The following PLXNC1 variants were observed in gnomAD, a reference collection of about 807,000 sequenced individuals.
PLXNC1 encodes the protein plexin C1.
Under a neutral mutation model 178.2 loss-of-function variants are expected in PLXNC1, and 75 were observed. The observed-to-expected ratio is 0.42, with a 90% CI of 0.35 to 0.51. The LOEUF (loss-of-function observed/expected upper bound fraction) is 0.51. PLXNC1 is among the 20% of genes least tolerant of loss of function. The probability of loss-of-function intolerance (pLI) is 0.02; values close to 1 mark genes in which losing one functional copy is unlikely to be tolerated. For missense variants in PLXNC1, 1,503 were observed against 1,984.4 expected (o/e 0.76, Z 4.61); for synonymous variants, 790 against 779.9 (o/e 1.01, Z -0.22).
intron 2 of PLXNC1, among the ~76,000 whole-genome samples, chr12:94,175,618 C>A (rs528158183): frequency 6.6e-6 from 1 of 152,176 alleles, no homozygotes; most frequent in Admixed American, 6.5e-5. Flanking sequence ...TATGTTGACA[C>A]GAACTGAAAT....
chr12:94,148,963 C>T lies in PLXNC1; in HGVS notation c.-9C>T, dbSNP rs1490680832. 3 of 1,314,982 alleles carry T rather than the reference C, an allele frequency of 2.3e-6. No individual in the cohort carries two copies. The highest frequency in any genetic ancestry group is 3.0e-6 in the Non-Finnish European group (3 of 1,015,042). The allele number at this position is 1,314,982 out of a possible 1,614,324, so 81.5% of individuals were successfully genotyped here. Reference sequence around the variant, plus strand: ...GCGCGCCCTGCCCGGGGGCGGCCCCCCCAGCCCCATGGAGGTCTCCCGGAG... The same window carrying T: ...GCGCGCCCTGCCCGGGGGCGGCCCCTCCAGCCCCATGGAGGTCTCCCGGAG... On this transcript the variant is annotated 5_prime_UTR_variant, in exon 1 of 31. Coordinates refer to ENST00000258526, the MANE Select transcript of PLXNC1 (RefSeq NM_005761.3). This position sits in a 1 kb window ranked among gnomAD's most constrained non-coding sequence, Gnocchi z 4.8.
intron 20 of PLXNC1, among the ~76,000 whole-genome samples, chr12:94,261,758 G>A (rs554071631): frequency 3.9e-5 from 6 of 152,288 alleles, no homozygotes; most frequent in African/African-American, 1.4e-4. Context: ...AAGATACACT[G>A]CTATGCCACA....
chr12:94,172,468 A>G (rs191870029), intron 2 of PLXNC1, among the ~76,000 whole-genome samples: 3 of 152,356 alleles, frequency 2.0e-5, no homozygotes, highest in African/African-American at 7.2e-5. Context: ...TGTTATTTAA[A>G]TAATTTTTCC....
intron 28 of PLXNC1, among the ~76,000 whole-genome samples, chr12:94,301,855 TCAA>T (rs1328273997): frequency 1.3e-5 from 2 of 152,202 alleles, no homozygotes; most frequent in Admixed American, 1.3e-4. Context: ...GGTAGAATCC[TCAA>T]CGTTATCTTT....
chr12:94,205,286 A>G (rs984951406), intron 4 of PLXNC1, among the ~76,000 whole-genome samples: 2 of 152,336 alleles, frequency 1.3e-5, no homozygotes, highest in Middle Eastern at 3.4e-3. Flanking sequence ...TAAATACAAT[A>G]CTGTAATAAT....
At chr12:94,223,425 TG>T (rs1044016025) in intron 6 of PLXNC1, among the ~76,000 whole-genome samples, 4 of 152,208 alleles carry the variant, frequency 2.6e-5, no homozygotes, top group African/African-American at 9.7e-5. Flanking sequence ...AATTGTTCCA[TG>T]GGGAGCAATG....
At chr12:94,193,262 C>G (rs1053977494) in intron 4 of PLXNC1, among the ~76,000 whole-genome samples, 2 of 152,152 alleles carry the variant, frequency 1.3e-5, no homozygotes, top group Admixed American at 6.5e-5. Flanking sequence ...AACGAGAACT[C>G]TGGGGTGCAA....
At position 94,232,470 on chromosome 12, in the gene PLXNC1, T is replaced by A. The variant is rs1486764044; in HGVS notation, c.1981-5194T>A. Among the ~76,000 whole-genome samples the A allele has an allele frequency of 1.1e-4, 17 of 152,234 alleles. No individual in the cohort carries two copies. The South Asian group carries it at 2.1e-3, about 19-fold the overall frequency. ...CTTTTGGGGACCTTGCCTTCAAGAG[T>A]GAAATTAAATTTCACATATACCTTG... is the stretch of plus-strand genomic sequence containing the variant. On this transcript the variant is annotated intron_variant, in intron 9 of 30. Transcript: ENST00000258526.
intron 4 of PLXNC1, among the ~76,000 whole-genome samples, chr12:94,198,854 T>C (rs1457335793): frequency 1.3e-5 from 2 of 152,196 alleles, no homozygotes; most frequent in African/African-American, 4.8e-5. Context: ...TCCAGGATGA[T>C]TTCATCTCGA....
intron 4 of PLXNC1, among the ~76,000 whole-genome samples, chr12:94,191,693 A>G (rs916427577): frequency 6.6e-6 from 1 of 152,068 alleles, no homozygotes; most frequent in Non-Finnish European, 1.5e-5. Flanking sequence ...CTGAGGCAGT[A>G]GAATCACTTG....
chr12:94,264,043 A>G (rs1965094284), intron 20 of PLXNC1, among the ~76,000 whole-genome samples: 1 of 152,102 alleles, frequency 6.6e-6, no homozygotes, highest in Admixed American at 6.5e-5. Flanking sequence ...TTCGAGCCCC[A>G]GCCACGTGGC....
rs1221715427 is a variant in PLXNC1 at position 94,306,083 on chromosome 12, C to CA, written c.*805dup. 4 of 152,018 alleles carry CA rather than the reference C, an allele frequency of 2.6e-5. No individual in the cohort carries two copies. The highest frequency in any genetic ancestry group is 4.1e-4 in the South Asian group (2 of 4,828). The allele number at this position is 152,018 out of a possible 1,614,324, so 9.4% of individuals were successfully genotyped here. A position where few individuals can be genotyped will look rare whatever the true frequency, so the allele number is the denominator to read the frequency against. On this transcript the variant is annotated 3_prime_UTR_variant, in exon 31 of 31. Coordinates refer to ENST00000258526, the MANE Select transcript of PLXNC1 (RefSeq NM_005761.3). ...GATAGTGGACATGTTGGATATTATACAAAAAAATCATTAATTCATTTCTGT... is the reference window on the plus strand; with the variant it reads ...GATAGTGGACATGTTGGATATTATACAAAAAAAATCATTAATTCATTTCTGT...
chr12:94,149,059 G>T lies in PLXNC1; in HGVS notation c.88G>T (p.Ala30Ser), dbSNP rs752465108. 6.5e-7 allele frequency: 1 copy of T among 1,545,120 alleles called. No homozygotes were observed. ...GCTCGCCTATCTGCTGGCACTGGCG[G>T]CTCCCGGCCGGGGCGCGGACGAGCC... ...PLLAYLLALA[A>S]PGRGADEPVW... The change falls in exon 1 of 31, where the codon GCT (alanine) becomes TCT (serine). Residue 30 changes from alanine to serine, a missense_variant. Ala to Ser is a moderately conservative substitution (Grantham distance 99). Coordinates refer to ENST00000258526, the MANE Select transcript of PLXNC1 (RefSeq NM_005761.3).
rs1460117035 is a variant in PLXNC1 at position 94,224,225 on chromosome 12, C to T, written c.1703-3C>T. 6.4e-7 allele frequency: 1 copy of T among 1,573,024 alleles called. No homozygotes were observed. Among genetic ancestry groups the T allele is most frequent in the African/African-American group, 1.3e-5 (1 of 74,210 alleles). ...AAATGACATTTTCCCCCCTTCCCTC[C>T]AGATGTTTCAGTTGTCAACGTGATG... On this transcript the variant is annotated splice_region_variant and splice_polypyrimidine_tract_variant and intron_variant, in intron 6 of 30. Coordinates refer to ENST00000258526, the MANE Select transcript of PLXNC1 (RefSeq NM_005761.3).
At position 94,178,956 on chromosome 12, in the gene PLXNC1, C is replaced by A. The variant is rs1408206649; in HGVS notation, c.1204-2490C>A. Among the ~76,000 whole-genome samples, 5 of 152,270 alleles carry A rather than the reference C, an allele frequency of 3.3e-5. No individual in the cohort carries two copies. In the East Asian group the frequency reaches 9.6e-4, roughly 29 times the overall value. On this transcript the variant is annotated intron_variant, in intron 2 of 30. Coordinates refer to ENST00000258526, the MANE Select transcript of PLXNC1 (RefSeq NM_005761.3). ...GTTTGGTTAGTGAGATTGACTTTTA[C>A]AAAGCTGCTGCTGAATTTGATGAGC...
intron 4 of PLXNC1, among the ~76,000 whole-genome samples, chr12:94,188,970 G>A (rs571029614): frequency 6.8e-6 from 1 of 146,930 alleles, no homozygotes; most frequent in African/African-American, 2.5e-5. Context: ...GAGGTTTGAG[G>A]AGAAAAGAGA....
At chr12:94,161,333 A>AGGTGGATGAGTGGATGGGTG (rs1006545544) in intron 1 of PLXNC1, among the ~76,000 whole-genome samples, 1 of 152,094 alleles carries the variant, frequency 6.6e-6, no homozygotes, top group African/African-American at 2.4e-5. Context: ...CATAAATAAT[A>AGGTGGATGAGTGGATGGGTG]GGTGGATGAG....
chr12:94,149,330 G>C lies in PLXNC1; in HGVS notation c.359G>C (p.Gly120Ala), dbSNP rs1202991517. The change falls in exon 1 of 31, where the codon GGG (glycine) becomes GCG (alanine). Residue 120 changes from glycine (G) to alanine (A), a missense_variant. Physicochemically the swap from Gly to Ala is moderately conservative, Grantham distance 60 (BLOSUM62 0). Coordinates refer to ENST00000258526, the MANE Select transcript of PLXNC1 (RefSeq NM_005761.3). ...LPYREGAAGL[G>A]GLLLTGWTFD... ...TACCGCGAGGGGGCGGCCGGCCTCG[G>C]GGGGCTGCTGCTCACCGGCTGGACC... The C allele has an allele frequency of 4.2e-6, 6 of 1,440,876 alleles. No individual in the cohort carries two copies. Among genetic ancestry groups the C allele is most frequent in the Non-Finnish European group, 5.4e-6 (6 of 1,106,778 alleles). The allele number at this position is 1,440,876 out of a possible 1,614,324, so 89.3% of individuals were successfully genotyped here.
Position 94,186,418 on chromosome 12 carries a change from T to C in PLXNC1, c.1384T>C (p.Ser462Pro). The change falls in exon 4 of 31, where the codon TCG becomes CCG. Residue 462 changes from serine (S) to proline (P), a missense_variant. Coordinates refer to ENST00000258526, the MANE Select transcript of PLXNC1 (RefSeq NM_005761.3). ...VANCNKHKSC[S>P]ECLTATDPHC... is the part of the protein sequence containing the mutation. ...AAACTGCAATAAACATAAATCCTGT[T>C]CGGAGTGTTTAACAGCCACAGACCC... is the stretch of plus-strand genomic sequence containing the variant. 1.2e-6 allele frequency: 2 copies of C among 1,613,992 alleles called. No individual in the cohort carries two copies. The highest frequency in any genetic ancestry group is 1.7e-6 in the Non-Finnish European group (2 of 1,179,838).
Sources: allele counts gnomAD v4.1 joint callset (sites outside exome capture counted in the v4.1 genomes callset), GRCh38; gene constraint gnomAD v4.1.1; non-coding constraint Gnocchi (gnomAD v3.1); transcripts MANE v1.5; gene names NCBI Gene and HGNC (gene_info 2026-07-23, HGNC 2026-07-21).